SGSM1: variants seen among roughly 807,000 people sequenced by gnomAD.
SGSM1 encodes the protein RUN and TBC1 domain containing 2.
SGSM1 carries 73 observed loss-of-function variants against 133.8 expected under a neutral mutation model. The ratio of observed to expected loss-of-function variants is 0.55; its 90% confidence interval spans 0.45 to 0.66. SGSM1 has a LOEUF of 0.66. Among genes scored for constraint, SGSM1 ranks in the 30% least tolerant of loss-of-function variants. SGSM1 has a pLI of 0.00. For synonymous variants in SGSM1, 563 were observed against 573.0 expected, an observed-to-expected ratio of 0.98 and a Z score of 0.25; for missense variants, 1,213 against 1,448.1, an observed-to-expected ratio of 0.84 and a Z score of 2.64.
Position 24,806,288 on chromosome 22 carries a change from C to A in SGSM1, c.-38C>A. ...GAGGAGCTACCGCCGCCACCGCCGC[C>A]ACCGCCTCCTGGGACTCGGAACGCA... On this transcript the variant is annotated 5_prime_UTR_variant, in exon 1 of 25. Coordinates refer to ENST00000400358, the MANE Select transcript of SGSM1 (RefSeq NM_001098497.3). 1.4e-6 allele frequency: 2 copies of A among 1,417,516 alleles called. No homozygotes were observed. Among genetic ancestry groups the A allele is most frequent in the East Asian group, 3.0e-5 (1 of 32,826 alleles). 87.8% of individuals were successfully genotyped at this position (1,417,516 alleles called of 1,614,324 possible). A position where few individuals can be genotyped will look rare whatever the true frequency, so the allele number is the denominator to read the frequency against.
chr22:24,860,624 C>T (rs989394477), intron 9 of SGSM1, among the ~76,000 whole-genome samples: 19 of 151,818 alleles, frequency 1.3e-4, no homozygotes, highest in African/African-American at 4.4e-4. Context: ...TATTCTGGGC[C>T]GGGTGTGGTG....
chr22:24,912,522 C>CA (rs1186441265), intron 21 of SGSM1, 121 bp from the exon 22 acceptor site: 1 of 661,166 alleles, frequency 1.5e-6, no homozygotes. Context: ...ACTAAAAATA[C>CA]AAAAAAGGTC....
chr22:24,891,901 G>A (rs889366478), intron 16 of SGSM1, among the ~76,000 whole-genome samples: 4 of 152,132 alleles, frequency 2.6e-5, no homozygotes, highest in African/African-American at 9.7e-5. Flanking sequence ...GGAGACCAGC[G>A]TGGTGTGGTG....
chr22:24,822,088 C>CTCTTTTTTTT (rs1555920070), intron 2 of SGSM1, among the ~76,000 whole-genome samples: 5 of 96,128 alleles, frequency 5.2e-5, no homozygotes, highest in South Asian at 4.0e-4. Flanking sequence ...TCATCTCTCT[C>CTCTTTTTTTT]TTTTTTTTTT....
rs953469345 is a variant in SGSM1, at chr22:24,927,299, A to T, written c.*3025A>T. The T allele has an allele frequency of 6.6e-6, 1 of 152,220 alleles. No individual in the cohort carries two copies. Among genetic ancestry groups the T allele is most frequent in the Non-Finnish European group, 1.5e-5 (1 of 68,052 alleles). The allele number at this position is 152,220 out of a possible 1,614,324, so 9.4% of individuals were successfully genotyped here. The stretch of plus-strand genomic sequence containing the variant: ...CTAGCTTAGGCTTGTTTACATGGCT[A>T]TGATAGCAGATCCCAGAAGGTAAGC... On this transcript the variant is annotated 3_prime_UTR_variant, in exon 25 of 25. Coordinates refer to ENST00000400358, the MANE Select transcript of SGSM1 (RefSeq NM_001098497.3).
At chr22:24,877,402 A>G (rs1277815064) in intron 13 of SGSM1, among the ~76,000 whole-genome samples, 1 of 152,144 alleles carries the variant, frequency 6.6e-6, no homozygotes, top group Admixed American at 6.6e-5. Flanking sequence ...GTTTTATTAT[A>G]TAAAGTTAAA....
chr22:24,847,544 A>G (rs1207335308), intron 3 of SGSM1, 90 bp from the exon 4 acceptor site: 2 of 1,482,018 alleles, frequency 1.3e-6, no homozygotes, highest in East Asian at 2.4e-5. Context: ...GGGCTCTCCA[A>G]GGTTCCAGTG....
intron 22 of SGSM1, among the ~76,000 whole-genome samples, chr22:24,914,809 A>G (rs1240923919): frequency 6.6e-6 from 1 of 152,102 alleles, no homozygotes. Context: ...TTGTGTTAGG[A>G]GTACAACGCA....
At chr22:24,809,315 A>G (rs1224678833) in intron 2 of SGSM1, among the ~76,000 whole-genome samples, 1 of 152,182 alleles carries the variant, frequency 6.6e-6, no homozygotes, top group Non-Finnish European at 1.5e-5. Context: ...AAGGAGCCAC[A>G]TCTCTGCCTG....
chr22:24,868,197 A>G (rs908864434), intron 10 of SGSM1, among the ~76,000 whole-genome samples, 179 bp from the exon 11 acceptor site: 1 of 152,140 alleles, frequency 6.6e-6, no homozygotes, highest in African/African-American at 2.4e-5. Flanking sequence ...GGATGAGATG[A>G]GAGAGACTCA....
intron 6 of SGSM1, 28 bp from the exon 7 acceptor site, chr22:24,855,257 G>A (rs906026107): frequency 2.5e-6 from 4 of 1,597,226 alleles, no homozygotes; most frequent in Non-Finnish European, 2.6e-6. Flanking sequence ...CCGGGGCAGT[G>A]GGTTTCCAGC....
In SGSM1 at chr22:24,856,987, A is replaced by T. The variant is rs557426463; in HGVS notation, c.801+1307A>T. Among the ~76,000 whole-genome samples, 882 of 152,054 alleles carry T rather than the reference A, an allele frequency of 5.8e-3. 4 individuals carry two copies. Among genetic ancestry groups the T allele is most frequent in the Admixed American group, 9.1e-3 (139 of 15,278 alleles). On this transcript the variant is annotated intron_variant, in intron 8 of 24. Transcript: ENST00000400358. ...ATTTCACCATGTTAGCCAGGATGGT[A>T]TCAATCTCCTGACCTTGTGATCTGC...
intron 16 of SGSM1, among the ~76,000 whole-genome samples, chr22:24,888,568 G>A (rs892873184): frequency 4.6e-5 from 7 of 152,080 alleles, no homozygotes; most frequent in African/African-American, 1.7e-4. Flanking sequence ...AGGAGTTCAA[G>A]ACCAGCCTGA....
intron 24 of SGSM1, among the ~76,000 whole-genome samples, 155 bp downstream of exon 24, chr22:24,920,148 AG>A (rs1316904975): frequency 2.0e-5 from 3 of 152,154 alleles, no homozygotes; most frequent in Non-Finnish European, 2.9e-5. Context: ...CAAAAGGACG[AG>A]TTCACATCTT....
At position 24,847,669 on chromosome 22, in the gene SGSM1, C is replaced by T. The variant is rs764629932; in HGVS notation, c.175C>T (p.Arg59Trp). Reference protein sequence around the residue: ...VEACVLHGLRRRAAGFLRSNK... With the variant: ...VEACVLHGLRWRAAGFLRSNK... ...GGCCTGCGTTCTGCACGGGCTTCGG[C>T]GGCGGGCGGCTGGCTTCCTACGCAG... The change falls in exon 4 of 25, where the codon CGG (arginine) becomes TGG (tryptophan). Residue 59 changes from arginine to tryptophan, a missense_variant. Transcript: ENST00000400358. The T allele has an allele frequency of 1.4e-5, 23 of 1,613,702 alleles. No homozygotes were observed. Among genetic ancestry groups the T allele is most frequent in the South Asian group, 4.4e-5 (4 of 91,060 alleles).
chr22:24,915,408 T>C (rs940989609), intron 22 of SGSM1, among the ~76,000 whole-genome samples: 3 of 152,188 alleles, frequency 2.0e-5, no homozygotes, highest in Non-Finnish European at 2.9e-5. Flanking sequence ...TTAAAGTGAT[T>C]GTACTAGTTT....
At chr22:24,830,879 CT>C in intron 2 of SGSM1, among the ~76,000 whole-genome samples, 1 of 152,240 alleles carries the variant, frequency 6.6e-6, no homozygotes, top group South Asian at 2.1e-4. Context: ...CTGCATAGCA[CT>C]TTCTCTGAAC....
chr22:24,829,908 C>T (rs1929011939), intron 2 of SGSM1, among the ~76,000 whole-genome samples: 2 of 152,164 alleles, frequency 1.3e-5, no homozygotes, highest in African/African-American at 4.8e-5. Flanking sequence ...TGGGATCTGT[C>T]AGCTTTCAAA....
At chr22:24,879,357 C>T in intron 13 of SGSM1, 105 bp from the exon 14 acceptor site, 1 of 1,036,816 alleles carries the variant, frequency 9.6e-7, no homozygotes, top group Non-Finnish European at 1.4e-6. Context: ...CCCTGACTGG[C>T]TGATATTAAT....
Sources: gnomAD v4.1 joint callset for allele counts (sites outside exome capture counted in the v4.1 genomes callset) on GRCh38, gnomAD v4.1.1 for gene constraint, MANE v1.5 for transcripts, NCBI Gene and HGNC (gene_info 2026-07-23, HGNC 2026-07-21) for gene names.